The following NUP107 variants were observed in gnomAD, a reference collection of about 807,000 sequenced individuals.
NUP107 encodes the protein nucleoporin 107.
Under a neutral mutation model 141.0 loss-of-function variants are expected in NUP107, and 101 were observed. That is an observed-to-expected ratio of 0.72 (90% CI 0.61 to 0.84). The LOEUF is 0.84. NUP107 is among the 40% of genes least tolerant of loss of function. NUP107 has a pLI of 0.00. For synonymous variants in NUP107, 319 were observed against 363.9 expected, an observed-to-expected ratio of 0.88 and a Z score of 1.41; for missense variants, 941 against 1,102.7, an observed-to-expected ratio of 0.85 and a Z score of 2.08.
chr12:68,739,547 G>T (rs1878230893), intron 26 of NUP107, among the ~76,000 whole-genome samples: 1 of 152,138 alleles, frequency 6.6e-6, no homozygotes. Flanking sequence ...CACATGTAAG[G>T]CACTACATGG....
At chr12:68,722,207 A>T in intron 17 of NUP107, 55 bp downstream of exon 17, 1 of 1,431,194 alleles carries the variant, frequency 7.0e-7, no homozygotes, top group Non-Finnish European at 9.7e-7. Context: ...GTGTTATTCT[A>T]TTGTGCACTG....
At chr12:68,699,563 A>C (rs1876226673) in intron 6 of NUP107, among the ~76,000 whole-genome samples, 3 of 152,214 alleles carry the variant, frequency 2.0e-5, no homozygotes, top group Admixed American at 2.0e-4. Flanking sequence ...AATAACACTT[A>C]GTGAATCACT....
At chr12:68,697,390 C>T (rs1472447255) in intron 6 of NUP107, among the ~76,000 whole-genome samples, 3 of 145,910 alleles carry the variant, frequency 2.1e-5, no homozygotes, top group African/African-American at 7.6e-5. Flanking sequence ...CACCACTGCA[C>T]TCCAGCCAGG....
intron 5 of NUP107, 49 bp from the exon 6 acceptor site, chr12:68,696,770 C>A: frequency 1.0e-6 from 1 of 978,602 alleles, no homozygotes; most frequent in Non-Finnish European, 1.5e-6. Context: ...CCTAGAAGTA[C>A]GTCACTTAAC....
intron 11 of NUP107, 146 bp downstream of exon 11, chr12:68,713,954 G>A: frequency 3.4e-6 from 2 of 582,858 alleles, no homozygotes; most frequent in Admixed American, 3.5e-5. Flanking sequence ...AAGTTGCATT[G>A]GAATCTGATG....
At chr12:68,690,133 T>C (rs946346671) in intron 3 of NUP107, among the ~76,000 whole-genome samples, 7 of 151,434 alleles carry the variant, frequency 4.6e-5, no homozygotes, top group African/African-American at 1.7e-4. Context: ...TGAGCTGAGA[T>C]TGTGCCACTG....
At chr12:68,703,900 G>C (rs1242621767) in intron 8 of NUP107, among the ~76,000 whole-genome samples, 1 of 151,978 alleles carries the variant, frequency 6.6e-6, no homozygotes, top group Non-Finnish European at 1.5e-5. Context: ...TGGTATTTTT[G>C]CTGTAGCCAT....
intron 26 of NUP107, among the ~76,000 whole-genome samples, chr12:68,737,302 C>T (rs961009110): frequency 1.3e-5 from 2 of 152,222 alleles, no homozygotes; most frequent in East Asian, 3.9e-4. Context: ...TGGTGGCTCA[C>T]GCCTGTACTC....
intron 14 of NUP107, among the ~76,000 whole-genome samples, 168 bp downstream of exon 14, chr12:68,719,822 A>G (rs1877280209): frequency 6.6e-6 from 1 of 152,162 alleles, no homozygotes; most frequent in Admixed American, 6.5e-5. Context: ...AACACTGTGT[A>G]CTAAGAATTA....
At chr12:68,724,208 A>G (rs1877465410) in intron 17 of NUP107, among the ~76,000 whole-genome samples, 1 of 152,096 alleles carries the variant, frequency 6.6e-6, no homozygotes, top group Non-Finnish European at 1.5e-5. Flanking sequence ...CCCCTCCCCA[A>G]AAGTTCCATT....
chr12:68,730,695 G>A (rs1409341970), intron 20 of NUP107, among the ~76,000 whole-genome samples: 1 of 152,142 alleles, frequency 6.6e-6, no homozygotes, highest in Admixed American at 6.6e-5. Context: ...CTGGACACAG[G>A]GGCCCATGCC....
intron 7 of NUP107, among the ~76,000 whole-genome samples, chr12:68,702,243 C>A (rs1255615026): frequency 6.6e-6 from 1 of 152,138 alleles, no homozygotes; most frequent in Non-Finnish European, 1.5e-5. Flanking sequence ...CCCACCTCGG[C>A]CTCCCAAAGT....
chr12:68,723,429 G>A (rs934422226), intron 17 of NUP107, among the ~76,000 whole-genome samples: 1 of 151,936 alleles, frequency 6.6e-6, no homozygotes, highest in African/African-American at 2.4e-5. Context: ...TAAATAGGTA[G>A]GTAGGTAGGT....
chr12:68,721,751 T>A, intron 15 of NUP107, 90 bp from the exon 16 acceptor site: 1 of 1,266,292 alleles, frequency 7.9e-7, no homozygotes, highest in South Asian at 1.5e-5. Flanking sequence ...TATAAAGTGA[T>A]TTTATAGTCT....
chr12:68,721,740 T>C, intron 15 of NUP107, 101 bp from the exon 16 acceptor site: 1 of 1,180,044 alleles, frequency 8.5e-7, no homozygotes, highest in Non-Finnish European at 1.2e-6. Context: ...TTTTATATCA[T>C]TATAAAGTGA....
At chr12:68,700,666 CTT>C in intron 6 of NUP107, 58 bp from the exon 7 acceptor site, 1 of 1,262,240 alleles carries the variant, frequency 7.9e-7, no homozygotes, top group Non-Finnish European at 1.1e-6. Flanking sequence ...CAAATACAAA[CTT>C]ATCAGTGACT....
intron 20 of NUP107, among the ~76,000 whole-genome samples, chr12:68,728,804 G>T (rs55933946): frequency 6.6e-6 from 1 of 150,922 alleles, no homozygotes; most frequent in East Asian, 1.9e-4. Flanking sequence ...ATAAGGAAGA[G>T]AAACTACGTT....
At chr12:68,722,753 A>G (rs1428646550) in intron 17 of NUP107, among the ~76,000 whole-genome samples, 1 of 152,156 alleles carries the variant, frequency 6.6e-6, no homozygotes, top group Non-Finnish European at 1.5e-5. Context: ...ATTTAATGAT[A>G]ATCTCCAAGT....
At chr12:68,710,143 C>A in intron 10 of NUP107, 50 bp downstream of exon 10, 1 of 924,938 alleles carries the variant, frequency 1.1e-6, no homozygotes, top group Non-Finnish European at 1.7e-6. Context: ...TGATATTGTT[C>A]ATTCATCTTT....
Sources: allele counts gnomAD v4.1 joint callset (sites outside exome capture counted in the v4.1 genomes callset), GRCh38; gene constraint gnomAD v4.1.1; transcripts MANE v1.5; gene names NCBI Gene and HGNC (gene_info 2026-07-23, HGNC 2026-07-21).